The following RELN variants were observed in gnomAD, a reference collection of about 807,000 sequenced individuals.
The protein encoded by RELN is reelin.
A neutral mutation model predicts 427.6 loss-of-function variants in RELN; 108 were observed. The observed-to-expected ratio is 0.25, with a 90% CI of 0.22 to 0.30. The LOEUF (loss-of-function observed/expected upper bound fraction) is 0.30, where lower values mean the gene tolerates loss of function less well. Ranked by LOEUF, RELN falls within the 10% of genes least tolerant of loss-of-function variation. The pLI, the probability that RELN is intolerant of heterozygous loss-of-function variation, is 1.00. For missense variants in RELN, 3,715 were observed against 4,302.8 expected (o/e 0.86, Z 3.82); for synonymous variants, 1,524 against 1,513.4 (o/e 1.01, Z -0.16).
In RELN at chr7:103,714,529, C is replaced by G. The variant is rs535428888; in HGVS notation, c.805+8611G>C. Among the ~76,000 whole-genome samples, 4 of 152,320 alleles carry G rather than the reference C, an allele frequency of 2.6e-5. No homozygotes were observed. In the East Asian group the frequency reaches 7.7e-4, roughly 29 times the overall value. On this transcript the variant is annotated intron_variant, in intron 8 of 64. Transcript: ENST00000428762. Reference sequence around the variant, plus strand: ...TGCCTGGTTGGTATGCTCTCCGCTGCTGTCCCTGACGTCTGACAGTGTGTG... The same window carrying G: ...TGCCTGGTTGGTATGCTCTCCGCTGGTGTCCCTGACGTCTGACAGTGTGTG...
chr7:103,593,723 G>A lies in RELN; in HGVS notation c.3871C>T (p.Arg1291Ter), dbSNP rs2117248586. ...KSDGDRFAVT[R>*]DLTLKPGYVL... ...TATCCAGGTTTCAGGGTCAAATCTC[G>A]AGTTACTGCAAATCGATCTCCATCT... Residue 1291 changes from arginine (R) to a stop codon, truncating the protein, a stop_gained, in exon 27 of 65, where the codon CGA becomes TGA. Transcript: ENST00000428762. LOFTEE classifies it high-confidence loss of function. 8 of 1,613,956 alleles carry A rather than the reference G, an allele frequency of 5.0e-6. No homozygotes were observed. The highest frequency in any genetic ancestry group is 2.2e-5 in the East Asian group (1 of 44,852).
At chr7:103,547,588 T>C (rs754648141) in intron 41 of RELN, among the ~76,000 whole-genome samples, 1 of 152,168 alleles carries the variant, frequency 6.6e-6, no homozygotes, top group Non-Finnish European at 1.5e-5. Context: ...TGAGTCACCA[T>C]GTCCAGTCCC....
chr7:103,578,844 A>T (rs1831062460), intron 28 of RELN, among the ~76,000 whole-genome samples: 1 of 152,244 alleles, frequency 6.6e-6, no homozygotes, highest in African/African-American at 2.4e-5. Context: ...GTATTTGTGC[A>T]CATGTTCTAA....
intron 28 of RELN, among the ~76,000 whole-genome samples, chr7:103,583,434 C>T (rs999900596): frequency 2.6e-5 from 4 of 152,214 alleles, no homozygotes; most frequent in Non-Finnish European, 4.4e-5. Flanking sequence ...AAATATCACT[C>T]CTTCTTACTG....
intron 1 of RELN, among the ~76,000 whole-genome samples, chr7:103,919,711 T>C (rs2116678684): frequency 6.6e-6 from 1 of 152,308 alleles, no homozygotes; most frequent in South Asian, 2.1e-4. Context: ...CTTGACTCAC[T>C]TTTCAAGCAC....
chr7:103,850,495 TC>T (rs1235720425), intron 2 of RELN, among the ~76,000 whole-genome samples: 1 of 152,044 alleles, frequency 6.6e-6, no homozygotes, highest in Non-Finnish European at 1.5e-5. Flanking sequence ...ACCACAGGGA[TC>T]CATCGAGAGG....
At chr7:103,901,162 G>C (rs1795076086) in intron 2 of RELN, among the ~76,000 whole-genome samples, 2 of 151,924 alleles carry the variant, frequency 1.3e-5, no homozygotes, top group South Asian at 4.1e-4. Flanking sequence ...TATACTCAGT[G>C]TCATTAATCA....
chr7:103,971,163 A>G (rs968010377), intron 1 of RELN, among the ~76,000 whole-genome samples: 10 of 151,954 alleles, frequency 6.6e-5, no homozygotes, highest in African/African-American at 1.9e-4. Context: ...AAAAAAAAAA[A>G]AAAAAAGAAA....
intron 3 of RELN, among the ~76,000 whole-genome samples, chr7:103,809,662 C>T (rs756915982): frequency 3.3e-5 from 5 of 152,078 alleles, no homozygotes; most frequent in East Asian, 1.9e-4. Context: ...GTCTTTGACC[C>T]GTCTGGGCTG....
In RELN at chr7:103,497,798, G is replaced by A. The variant is rs372443157; in HGVS notation, c.8950+22C>T. ...AATTTGGGAATCTGCTCCAAGGGGT[G>A]GTTTTCACCCCTGACACATGCCTCC... On this transcript the variant is annotated intron_variant, in intron 55 of 64. Coordinates refer to ENST00000428762, the MANE Select transcript of RELN (RefSeq NM_005045.4). The A allele has an allele frequency of 4.3e-5, 69 of 1,597,298 alleles. 1 individual carries two copies. The African/African-American group carries it at 8.4e-4, about 20-fold the overall frequency.
At chr7:103,653,688 A>G in intron 13 of RELN, among the ~76,000 whole-genome samples, 1 of 152,094 alleles carries the variant, frequency 6.6e-6, no homozygotes, top group East Asian at 1.9e-4. Flanking sequence ...TTAGCAAAGA[A>G]AAAAGCAAAG....
At chr7:103,502,484 G>T (rs1305956543) in intron 52 of RELN, among the ~76,000 whole-genome samples, 1 of 152,174 alleles carries the variant, frequency 6.6e-6, no homozygotes, top group Admixed American at 6.5e-5. Context: ...GCAGAGCAAG[G>T]TTTAATCACC....
At chr7:103,609,838 C>G (rs1831908127) in intron 22 of RELN, among the ~76,000 whole-genome samples, 1 of 152,130 alleles carries the variant, frequency 6.6e-6, no homozygotes, top group South Asian at 2.1e-4. Flanking sequence ...TAATACTTAT[C>G]TCTTTTATGC....
rs570881857 is a variant in RELN at position 103,857,842 on chromosome 7, A to G, written c.338-24170T>C. On this transcript the variant is annotated intron_variant, in intron 2 of 64. Transcript: ENST00000428762. Reference sequence around the variant, plus strand: ...TAATCAGTTGTCCTACTCCATGAAAATAAGTCAGCAGGGAAGGAATTGGGG... The same window carrying G: ...TAATCAGTTGTCCTACTCCATGAAAGTAAGTCAGCAGGGAAGGAATTGGGG... 2.6e-5 allele frequency among the ~76,000 whole-genome samples: 4 copies of G among 152,294 alleles called. No individual in the cohort carries two copies. The East Asian group carries it at 7.7e-4, about 29-fold the overall frequency.
chr7:103,494,692 T>C (rs1828780593), intron 57 of RELN, among the ~76,000 whole-genome samples: 1 of 152,060 alleles, frequency 6.6e-6, no homozygotes, highest in Non-Finnish European at 1.5e-5. Flanking sequence ...TCAATTGATA[T>C]TGCTTTGCCT....
chr7:103,906,975 C>G (rs960585093), intron 2 of RELN, among the ~76,000 whole-genome samples: 1 of 152,062 alleles, frequency 6.6e-6, no homozygotes, highest in African/African-American at 2.4e-5. Context: ...TTACACAGCC[C>G]TAATTCCTTT....
At chr7:103,841,696 T>A (rs1793555597) in intron 2 of RELN, among the ~76,000 whole-genome samples, 1 of 152,010 alleles carries the variant, frequency 6.6e-6, no homozygotes. Context: ...AGTTCTATGA[T>A]CCCCCATCTC....
intron 64 of RELN, among the ~76,000 whole-genome samples, chr7:103,473,269 C>T (rs1827918456): frequency 1.3e-5 from 2 of 152,182 alleles, no homozygotes; most frequent in Non-Finnish European, 2.9e-5. Flanking sequence ...GAAGTGTGCT[C>T]TATACCCATT....
At chr7:103,865,771 A>G (rs1444608215) in intron 2 of RELN, among the ~76,000 whole-genome samples, 1 of 152,198 alleles carries the variant, frequency 6.6e-6, no homozygotes, top group African/African-American at 2.4e-5. Context: ...GGCAACATAT[A>G]AAAAGCCCAT....
Sources: gnomAD v4.1 joint callset for allele counts (sites outside exome capture counted in the v4.1 genomes callset) on GRCh38, gnomAD v4.1.1 for gene constraint, MANE v1.5 for transcripts, NCBI Gene and HGNC (gene_info 2026-07-23, HGNC 2026-07-21) for gene names.